ATAT1: variants seen among roughly 807,000 people sequenced by gnomAD.
ATAT1 encodes the protein alpha tubulin acetyltransferase 1.
In ATAT1, 42 loss-of-function variants were observed where a neutral mutation model predicts 57.2. That is an observed-to-expected ratio of 0.73 (90% CI 0.57 to 0.95). The LOEUF (loss-of-function observed/expected upper bound fraction) is 0.95, where lower values mean the gene tolerates loss of function less well. ATAT1 is among the 40% of genes least tolerant of loss of function. The probability of loss-of-function intolerance (pLI) is 0.00; values close to 1 mark genes in which losing one functional copy is unlikely to be tolerated. For missense variants in ATAT1, 454 were observed against 523.7 expected (o/e 0.87, Z 1.30); for synonymous variants, 168 against 187.1 (o/e 0.90, Z 0.83).
chr6:30,644,069 C>CT, intron 10 of ATAT1: 1 of 989,076 alleles, frequency 1.0e-6, no homozygotes, highest in Non-Finnish European at 1.2e-6. Context: ...TGAGCAAGCT[C>CT]TGCTTCAGAG....
intron 10 of ATAT1, chr6:30,643,573 C>T (rs9262132): frequency 1.9e-6 from 3 of 1,550,594 alleles, no homozygotes; most frequent in Middle Eastern, 1.7e-4. Flanking sequence ...CAGCTACCCT[C>T]TCCCTGCCCT....
At chr6:30,646,241 T>C in intron 12 of ATAT1, 132 bp downstream of exon 12, 1 of 1,475,166 alleles carries the variant, frequency 6.8e-7, no homozygotes. Flanking sequence ...CAATTCCTTC[T>C]ACCTTACATC....
At position 30,627,017 on chromosome 6, in the gene ATAT1, G is replaced by A. The variant is rs1375030752; in HGVS notation, c.-187G>A. On this transcript the variant is annotated 5_prime_UTR_variant, in exon 1 of 13. Coordinates refer to ENST00000330083, the MANE Select transcript of ATAT1 (RefSeq NM_001031722.4). ...GGTGACAGCTCAAACCCACCCTCTGGCCCTTTTCTCCCGGTTCCTCTCCAA... is the reference window on the plus strand; with the variant it reads ...GGTGACAGCTCAAACCCACCCTCTGACCCTTTTCTCCCGGTTCCTCTCCAA... 1.3e-6 allele frequency: 2 copies of A among 1,565,776 alleles called. No individual in the cohort carries two copies. Among genetic ancestry groups the A allele is most frequent in the South Asian group, 1.2e-5 (1 of 86,118 alleles).
chr6:30,630,385 C>T (rs1762595742), intron 6 of ATAT1, among the ~76,000 whole-genome samples: 1 of 152,152 alleles, frequency 6.6e-6, no homozygotes, highest in South Asian at 2.1e-4. Context: ...CCCGTAATCC[C>T]AGCACTTTGG....
chr6:30,629,640 G>A (rs1424821628), intron 6 of ATAT1, among the ~76,000 whole-genome samples: 1 of 152,060 alleles, frequency 6.6e-6, no homozygotes, highest in African/African-American at 2.4e-5. Flanking sequence ...CGCCTCCCAG[G>A]TTCACGGCAT....
At position 30,627,328 on chromosome 6, in the gene ATAT1, A is replaced by G. The variant is rs919109889; in HGVS notation, c.71+54A>G. Reference sequence around the variant, plus strand: ...GTGGGGTGGGAAATCAGATTGGAAGACTCCCAGGCAAAGGCAGGGAGCCTT... The same window carrying G: ...GTGGGGTGGGAAATCAGATTGGAAGGCTCCCAGGCAAAGGCAGGGAGCCTT... On this transcript the variant is annotated intron_variant, in intron 1 of 12. Transcript: ENST00000330083. The G allele has an allele frequency of 8.1e-6, 13 of 1,610,980 alleles. No individual in the cohort carries two copies. In the African/African-American group the frequency reaches 1.7e-4, roughly 22 times the overall value.
intron 6 of ATAT1, chr6:30,633,485 T>C (rs1763347049): frequency 6.5e-6 from 1 of 154,118 alleles, no homozygotes; most frequent in South Asian, 2.0e-4. Flanking sequence ...ATCTTTGCAT[T>C]GTTCCTGGTT....
intron 10 of ATAT1, chr6:30,643,971 C>CAT: frequency 9.6e-7 from 1 of 1,043,148 alleles, no homozygotes; most frequent in Non-Finnish European, 1.2e-6. Flanking sequence ...GGATAAACCC[C>CAT]ATATTCCCTC....
chr6:30,628,366 G>A lies in ATAT1; in HGVS notation c.437G>A (p.Arg146Gln), dbSNP rs1320260872. Residue 146 changes from arginine (R) to glutamine (Q), a missense_variant, in exon 6 of 13, where the codon CGA (arginine) becomes CAA (glutamine). Physicochemically the swap from Arg to Gln is conservative, Grantham distance 43. Coordinates refer to ENST00000330083, the MANE Select transcript of ATAT1 (RefSeq NM_001031722.4). Reference sequence around the variant, plus strand: ...GAACCGCACCAACTGGCAATTGACCGACCCTCACAGAAGCTGCTGAAATTC... The same window carrying A: ...GAACCGCACCAACTGGCAATTGACCAACCCTCACAGAAGCTGCTGAAATTC... The A allele has an allele frequency of 6.2e-6, 10 of 1,612,886 alleles. No individual in the cohort carries two copies. Among genetic ancestry groups the A allele is most frequent in the Non-Finnish European group, 8.5e-6 (10 of 1,180,020 alleles).
intron 6 of ATAT1, among the ~76,000 whole-genome samples, chr6:30,638,682 G>T (rs1438744071): frequency 1.3e-5 from 2 of 151,482 alleles, no homozygotes; most frequent in Non-Finnish European, 2.9e-5. Context: ...ACTCTTAATG[G>T]CTACACTATT....
rs1561940821 is a variant in ATAT1 at position 30,646,089 on chromosome 6, A to C, written c.1035A>C (p.Gly345=). Reference sequence around the variant, plus strand: ...CAGGCAACCAAGACTCCAAGCAGGGAGAACAGGAAACAAAGAATAGGTGAG... The same window carrying C: ...CAGGCAACCAAGACTCCAAGCAGGGCGAACAGGAAACAAAGAATAGGTGAG... Residue 345 remains glycine (G), a synonymous_variant, in exon 12 of 13, where the codon GGA becomes GGC. Transcript: ENST00000330083. 6.2e-7 allele frequency: 1 copy of C among 1,610,538 alleles called. No individual in the cohort carries two copies.
chr6:30,628,221 C>T (rs1448918754), intron 5 of ATAT1, 76 bp downstream of exon 5: 66 of 1,534,700 alleles, frequency 4.3e-5, no homozygotes, highest in Non-Finnish European at 4.6e-5. Context: ...GCCCTGCCTC[C>T]CACCCCCCAT....
At chr6:30,629,685 CA>C (rs1437030977) in intron 6 of ATAT1, among the ~76,000 whole-genome samples, 1 of 152,204 alleles carries the variant, frequency 6.6e-6, no homozygotes, top group African/African-American at 2.4e-5. Flanking sequence ...GCTGGGACTA[CA>C]GGTGCCCACC....
At chr6:30,628,472 T>C (rs1299791039) in intron 6 of ATAT1, 42 bp downstream of exon 6, 2 of 1,473,320 alleles carry the variant, frequency 1.4e-6, no homozygotes, top group East Asian at 2.3e-5. Context: ...AGCATTCCCA[T>C]TGAATTTATT....
In ATAT1 at chr6:30,640,533, AG is replaced by A; in HGVS notation, c.549del. 1.2e-6 allele frequency: 2 copies of A among 1,612,928 alleles called. No homozygotes were observed. The highest frequency in any genetic ancestry group is 1.7e-6 in the Non-Finnish European group (2 of 1,179,988). On this transcript the variant is annotated splice_acceptor_variant, in intron 7 of 12. Transcript: ENST00000330083. LOFTEE classifies it high-confidence loss of function. Reference sequence around the variant, plus strand: ...GGGGCCCCGCCGCTTCCTTCCTCACAGGGCCCCCTGCTCCCTCTCTGAGGGC... The same window carrying A: ...GGGGCCCCGCCGCTTCCTTCCTCACAGGCCCCCTGCTCCCTCTCTGAGGGC...
intron 8 of ATAT1, 34 bp downstream of exon 8, chr6:30,640,637 G>A (rs767667927): frequency 1.2e-6 from 2 of 1,607,908 alleles, no homozygotes; most frequent in Non-Finnish European, 1.7e-6. Context: ...GAACTGTAGT[G>A]CAGTGATGGC....
chr6:30,646,361 C>G, intron 12 of ATAT1, 108 bp from the exon 13 acceptor site: 1 of 1,447,344 alleles, frequency 6.9e-7, no homozygotes, highest in Non-Finnish European at 9.1e-7. Context: ...AGCTTCATAC[C>G]CATCATGTGT....
intron 6 of ATAT1, among the ~76,000 whole-genome samples, chr6:30,639,003 C>T (rs371870912): frequency 3.0e-4 from 45 of 152,096 alleles, no homozygotes; most frequent in African/African-American, 7.7e-4. Context: ...TCCTTTGAGA[C>T]GGAGTCTCAT....
chr6:30,644,762 C>G (rs1304280070), intron 10 of ATAT1: 12 of 532,684 alleles, frequency 2.3e-5, no homozygotes, highest in Non-Finnish European at 2.4e-5. Flanking sequence ...CTTCTGAGAT[C>G]TGCACATCTT....
Sources: gnomAD v4.1 joint callset for allele counts (sites outside exome capture counted in the v4.1 genomes callset) on GRCh38, gnomAD v4.1.1 for gene constraint, MANE v1.5 for transcripts, NCBI Gene and HGNC (gene_info 2026-07-23, HGNC 2026-07-21) for gene names.